Variants in KCNIP4 observed in about 807,000 individuals in gnomAD.
KCNIP4 encodes the protein Kv channel-interacting protein 4.
KCNIP4 carries 12 observed loss-of-function variants against 34.0 expected under a neutral mutation model. That is an observed-to-expected ratio of 0.35 (90% CI 0.23 to 0.57). The LOEUF (loss-of-function observed/expected upper bound fraction) is 0.57, where lower values mean the gene tolerates loss of function less well. Among genes scored for constraint, KCNIP4 ranks in the 20% least tolerant of loss-of-function variants. KCNIP4 has a pLI of 0.83. For missense variants in KCNIP4, 238 were observed against 311.7 expected (o/e 0.76, Z 1.78); for synonymous variants, 124 against 102.2 (o/e 1.21, Z -1.29).
chr4:21,125,451 G>A (rs551192237), intron 1 of KCNIP4, among the ~76,000 whole-genome samples: 6 of 151,978 alleles, frequency 3.9e-5, no homozygotes, highest in African/African-American at 9.7e-5. Context: ...TCCTGACCTC[G>A]TGATCTGCCC....
At chr4:21,609,838 T>G (rs1301190112) in intron 1 of KCNIP4, among the ~76,000 whole-genome samples, 1 of 152,232 alleles carries the variant, frequency 6.6e-6, no homozygotes, top group Non-Finnish European at 1.5e-5. Flanking sequence ...TTTGTGGTTA[T>G]CACATTTAAT....
intron 1 of KCNIP4, among the ~76,000 whole-genome samples, chr4:21,074,055 A>AT (rs1313807818): frequency 6.6e-6 from 1 of 151,998 alleles, no homozygotes; most frequent in Non-Finnish European, 1.5e-5. Context: ...TTTATTGAGG[A>AT]TTTTTGCATC....
At chr4:21,750,074 T>C (rs1253132087) in intron 1 of KCNIP4, among the ~76,000 whole-genome samples, 1 of 152,086 alleles carries the variant, frequency 6.6e-6, no homozygotes, top group African/African-American at 2.4e-5. Context: ...AATGATGAAA[T>C]CTTGTGCCCA....
intron 1 of KCNIP4, among the ~76,000 whole-genome samples, chr4:20,909,254 T>C (rs186410246): frequency 1.3e-4 from 20 of 152,342 alleles, no homozygotes; most frequent in African/African-American, 4.3e-4. Flanking sequence ...TTCGTGTTTT[T>C]CTGCTTTCTT....
intron 1 of KCNIP4, among the ~76,000 whole-genome samples, chr4:20,966,150 T>C (rs555906390): frequency 6.6e-6 from 1 of 152,316 alleles, no homozygotes; most frequent in East Asian, 1.9e-4. Context: ...GATTTGGATG[T>C]TTGTTCAGGT....
intron 1 of KCNIP4, among the ~76,000 whole-genome samples, chr4:21,946,335 T>C (rs1730510528): frequency 1.3e-5 from 2 of 152,212 alleles, no homozygotes; most frequent in Admixed American, 6.5e-5. Flanking sequence ...AATCATCTTA[T>C]AAACCTCCAT....
chr4:21,106,100 G>A (rs1023732149), intron 1 of KCNIP4, among the ~76,000 whole-genome samples: 26 of 151,560 alleles, frequency 1.7e-4, no homozygotes, highest in Admixed American at 9.2e-4. Flanking sequence ...TCAGGATGAC[G>A]CTGGCCTCAT....
At chr4:21,441,438 C>T (rs1159185044) in intron 1 of KCNIP4, among the ~76,000 whole-genome samples, 5 of 152,176 alleles carry the variant, frequency 3.3e-5, no homozygotes, top group Admixed American at 1.3e-4. Context: ...CCATCGCGCC[C>T]GGCCACGACA....
chr4:21,789,730 T>C (rs1227925647), intron 1 of KCNIP4, among the ~76,000 whole-genome samples: 1 of 152,118 alleles, frequency 6.6e-6, no homozygotes, highest in East Asian at 1.9e-4. Flanking sequence ...TAGATTATTG[T>C]TTTTGTGCCA....
intron 1 of KCNIP4, among the ~76,000 whole-genome samples, chr4:20,934,506 C>T (rs1730835454): frequency 1.3e-5 from 2 of 152,132 alleles, no homozygotes; most frequent in African/African-American, 4.8e-5. Flanking sequence ...TTTTGCCTAT[C>T]TGTTTTTGGG....
In KCNIP4 at chr4:21,511,979, GA is replaced by G. The variant is rs567268814; in HGVS notation, c.61+436591del. Among the ~76,000 whole-genome samples, 6 of 147,370 alleles carry G rather than the reference GA, an allele frequency of 4.1e-5. No homozygotes were observed. In the South Asian group the frequency reaches 1.1e-3, roughly 26 times the overall value. ...CAATTTTAATAGAGTAAAAGAGAAA[GA>G]AAAAAAGGAAAGATGGAAGGAAGTA... On this transcript the variant is annotated intron_variant, in intron 1 of 8. Transcript: ENST00000382152.
intron 1 of KCNIP4, among the ~76,000 whole-genome samples, chr4:21,028,596 C>G (rs1434192184): frequency 6.6e-6 from 1 of 152,186 alleles, no homozygotes; most frequent in Non-Finnish European, 1.5e-5. Flanking sequence ...CTCCCACACT[C>G]TCTTCCTTCC....
intron 1 of KCNIP4, among the ~76,000 whole-genome samples, chr4:21,696,705 T>G (rs533195726): frequency 6.6e-6 from 1 of 152,288 alleles, no homozygotes; most frequent in African/African-American, 2.4e-5. Context: ...TTAAAAATAT[T>G]TTCTTGCTAT....
intron 1 of KCNIP4, among the ~76,000 whole-genome samples, chr4:21,389,570 C>T (rs189228573): frequency 2.1e-4 from 31 of 149,888 alleles, no homozygotes; most frequent in South Asian, 4.3e-4. Flanking sequence ...TTTGTCCTGG[C>T]GATAGTTTGC....
At chr4:21,792,187 C>T (rs892029178) in intron 1 of KCNIP4, among the ~76,000 whole-genome samples, 26 of 144,368 alleles carry the variant, frequency 1.8e-4, no homozygotes, top group Non-Finnish European at 3.4e-4. Context: ...GCACATAAAC[C>T]GTATCTGTCT....
intron 1 of KCNIP4, among the ~76,000 whole-genome samples, chr4:21,105,406 T>C (rs574974665): frequency 1.3e-5 from 2 of 151,798 alleles, no homozygotes; most frequent in Admixed American, 6.5e-5. Context: ...TTGTCTGTTA[T>C]TGGTGTATAA....
At position 20,822,823 on chromosome 4, in the gene KCNIP4, C is replaced by T. The variant is rs566586329; in HGVS notation, c.288+27720G>A. Among the ~76,000 whole-genome samples the T allele has an allele frequency of 2.6e-5, 4 of 152,074 alleles. No individual in the cohort carries two copies. The East Asian group carries it at 5.8e-4, about 22-fold the overall frequency. ...AGTGTGTTGGTATTAAGAGGTGGGA[C>T]CTTTTGAGAAGTGATTAAGTCATGA... is the stretch of plus-strand genomic sequence containing the variant. On this transcript the variant is annotated intron_variant, in intron 3 of 8. Transcript: ENST00000382152.
At chr4:21,096,614 C>T (rs1467051431) in intron 1 of KCNIP4, among the ~76,000 whole-genome samples, 4 of 151,896 alleles carry the variant, frequency 2.6e-5, no homozygotes, top group East Asian at 1.9e-4. Context: ...GTTGGTTCTT[C>T]GAGAATTATT....
chr4:21,746,706 G>T (rs1716806405), intron 1 of KCNIP4, among the ~76,000 whole-genome samples: 1 of 151,958 alleles, frequency 6.6e-6, no homozygotes, highest in Non-Finnish European at 1.5e-5. Context: ...CCAATCTAAG[G>T]GCTCACAATG....
Sources: gnomAD v4.1 joint callset for allele counts (sites outside exome capture counted in the v4.1 genomes callset) on GRCh38, gnomAD v4.1.1 for gene constraint, MANE v1.5 for transcripts, NCBI Gene and HGNC (gene_info 2026-07-23, HGNC 2026-07-21) for gene names.